The following HIBCH variants were observed in gnomAD, a reference collection of about 807,000 sequenced individuals.
HIBCH encodes the protein 3-hydroxyisobutyryl-CoA hydrolase, mitochondrial.
HIBCH carries 50 observed loss-of-function variants against 58.2 expected under a neutral mutation model. The ratio of observed to expected loss-of-function variants is 0.86; its 90% CI spans 0.68 to 1.09. The LOEUF is 1.09. Ranked by LOEUF, HIBCH falls within the 50% of genes least tolerant of loss-of-function variation. HIBCH has a pLI of 0.00. For synonymous variants in HIBCH, 151 were observed against 146.9 expected (o/e 1.03, Z -0.20); for missense variants, 450 against 449.7 (o/e 1.00, Z -0.01).
rs1422397677 is a variant in HIBCH at position 190,205,166 on chromosome 2, T to C, written c.1112A>G (p.Asp371Gly). ...CAAAGACTTAAAGTGATTATTCAAA[T>C]CTTCCTCAGTAACTTCTTTTAGATC... ...PADLKEVTEE[D>G]LNNHFKSLGS... Residue 371 changes from aspartate to glycine, a missense_variant, in exon 14 of 14, where the codon GAT becomes GGT. Transcript: ENST00000359678. 13 of 1,611,064 alleles carry C rather than the reference T, an allele frequency of 8.1e-6. No individual in the cohort carries two copies. Among genetic ancestry groups the C allele is most frequent in the Non-Finnish European group, 1.1e-5 (13 of 1,178,084 alleles).
At chr2:190,219,205 T>A (rs781208893) in intron 11 of HIBCH, among the ~76,000 whole-genome samples, 2 of 151,794 alleles carry the variant, frequency 1.3e-5, no homozygotes, top group African/African-American at 4.8e-5. Context: ...ATTAACTCAA[T>A]AGAAGTCCCT....
intron 4 of HIBCH, among the ~76,000 whole-genome samples, chr2:190,293,895 T>G (rs1044186883): frequency 1.3e-5 from 2 of 151,730 alleles, no homozygotes; most frequent in Non-Finnish European, 2.9e-5. Context: ...TCTTTAACAT[T>G]TAAATGTGTA....
intron 1 of HIBCH, among the ~76,000 whole-genome samples, chr2:190,317,089 T>A (rs1287573989): frequency 6.6e-6 from 1 of 152,138 alleles, no homozygotes; most frequent in Non-Finnish European, 1.5e-5. Flanking sequence ...AGTTTTTTTA[T>A]TTCTTATTTT....
rs1686139534 is a variant in HIBCH, at chr2:190,232,671, AAT to A, written c.891+12214_891+12215del. ...TTACTTTTATGACAAAAAACATAAT[AAT>A]AGAGGCCGGGCATGGTGGCTCACGC... is the stretch of plus-strand genomic sequence containing the variant. On this transcript the variant is annotated intron_variant, in intron 11 of 13. Transcript: ENST00000359678. Among the ~76,000 whole-genome samples the A allele has an allele frequency of 5.3e-5, 8 of 152,304 alleles. No homozygotes were observed. In the South Asian group the frequency reaches 1.7e-3, roughly 32 times the overall value.
downstream of HIBCH, among the ~76,000 whole-genome samples, chr2:190,199,178 G>A (rs887509520): frequency 7.9e-5 from 12 of 152,162 alleles, no homozygotes; most frequent in African/African-American, 2.9e-4. Flanking sequence ...TGATGTGCTT[G>A]TTTTGCTTGA....
chr2:190,210,186 C>T lies in HIBCH; in HGVS notation c.1012-1273G>A, dbSNP rs568383012. 6.6e-6 allele frequency among the ~76,000 whole-genome samples: 1 copy of T among 152,108 alleles called. No individual in the cohort carries two copies. Among genetic ancestry groups the T allele is most frequent in the African/African-American group, 2.4e-5 (1 of 41,422 alleles). The stretch of plus-strand genomic sequence containing the variant: ...TTCTTCACATCCCATTTTTCCTCTC[C>T]AACTTACTACACTCTAACTTCTGCC... On this transcript the variant is annotated intron_variant, in intron 12 of 13. Transcript: ENST00000359678. This position sits in a 1 kb window ranked among gnomAD's most constrained non-coding sequence, Gnocchi z 5.5.
chr2:190,219,800 G>C (rs916227296), intron 11 of HIBCH, among the ~76,000 whole-genome samples: 2 of 152,150 alleles, frequency 1.3e-5, no homozygotes, highest in African/African-American at 4.8e-5. Context: ...ACTCAATCTT[G>C]CAAGACTGTC....
chr2:190,199,123 G>A (rs548233681), downstream of HIBCH, among the ~76,000 whole-genome samples: 104 of 152,298 alleles, frequency 6.8e-4, no homozygotes, highest in African/African-American at 2.4e-3. Context: ...TCTAACAGTA[G>A]TCCAAGATCT....
intron 7 of HIBCH, among the ~76,000 whole-genome samples, chr2:190,259,113 C>T (rs1040071823): frequency 6.6e-6 from 1 of 152,024 alleles, no homozygotes; most frequent in African/African-American, 2.4e-5. Context: ...TTCTTTGGTT[C>T]CATATGAATT....
At chr2:190,294,259 T>C (rs1294479726) in intron 4 of HIBCH, among the ~76,000 whole-genome samples, 1 of 151,878 alleles carries the variant, frequency 6.6e-6, no homozygotes, top group Non-Finnish European at 1.5e-5. Context: ...TGGACCCATA[T>C]ACCCTAACTG....
downstream of HIBCH, chr2:190,200,064 TATCTTGTGTGATGCCTTGCAG>T (rs1294741745): frequency 6.2e-7 from 1 of 1,614,000 alleles, no homozygotes; most frequent in Non-Finnish European, 8.5e-7. Context: ...TGTCTCAGGA[TATCTTGTGTGATGCCTTGCAG>T]CAATGGGCAT....
At chr2:190,288,203 G>A (rs563913899) in intron 5 of HIBCH, among the ~76,000 whole-genome samples, 1 of 149,240 alleles carries the variant, frequency 6.7e-6, no homozygotes, top group South Asian at 2.2e-4. Flanking sequence ...GTCACATTAT[G>A]GTTGGGAACA....
chr2:190,310,630 T>C lies in HIBCH; in HGVS notation c.78+124A>G, dbSNP rs1575765966. The stretch of plus-strand genomic sequence containing the variant: ...GCGTGTGCCATGTCTTGACACTCAG[T>C]TGAGAACCATGATGTACCTAAGGTC... On this transcript the variant is annotated intron_variant, in intron 2 of 13. Coordinates refer to ENST00000359678, the MANE Select transcript of HIBCH (RefSeq NM_014362.4). The C allele has an allele frequency of 2.2e-5, 18 of 817,258 alleles. No homozygotes were observed. In the East Asian group the frequency reaches 3.9e-4, roughly 18 times the overall value. The allele number at this position is 817,258 out of a possible 1,614,324, so 50.6% of individuals were successfully genotyped here.
intron 11 of HIBCH, among the ~76,000 whole-genome samples, chr2:190,224,955 G>C (rs1025885175): frequency 6.6e-6 from 1 of 152,194 alleles, no homozygotes; most frequent in Non-Finnish European, 1.5e-5. Context: ...TAGAACTCAG[G>C]ATTAAGAAAC....
At position 190,215,084 on chromosome 2, in the gene HIBCH, TC is replaced by T. The variant is rs1690599170; in HGVS notation, c.892-2010del. On this transcript the variant is annotated intron_variant, in intron 11 of 13. Transcript: ENST00000359678. The surrounding 1 kb of genome is among the most constrained non-coding windows in gnomAD (Gnocchi z 4.4). ...AGGAAATGAGGCCATTCTTGGAAGA[TC>T]CCCTCGGTTTAGCAGAGCAAACCTC... 6.6e-6 allele frequency: 1 copy of T among 152,190 alleles called. No individual in the cohort carries two copies. The highest frequency in any genetic ancestry group is 2.4e-5 in the African/African-American group (1 of 41,448). The allele number at this position is 152,190 out of a possible 1,614,324, so 9.4% of individuals were successfully genotyped here.
intron 11 of HIBCH, among the ~76,000 whole-genome samples, chr2:190,238,429 A>G (rs150100933): frequency 2.0e-5 from 3 of 152,246 alleles, no homozygotes; most frequent in East Asian, 3.9e-4. Context: ...ATCAATGACA[A>G]TAAACTTTTT....
At position 190,205,520 on chromosome 2, in the gene HIBCH, T is replaced by C. The variant is rs1040994086; in HGVS notation, c.1046-288A>G. 9.2e-5 allele frequency among the ~76,000 whole-genome samples: 14 copies of C among 152,278 alleles called. 1 individual carries two copies. The highest frequency in any genetic ancestry group is 5.9e-4 in the Admixed American group (9 of 15,286). On this transcript the variant is annotated intron_variant, in intron 13 of 13. Coordinates refer to ENST00000359678, the MANE Select transcript of HIBCH (RefSeq NM_014362.4). ...CAGTGGTTTAAACATTAGAATTCTT[T>C]TTTTCTTCTTGAAATAAAATTGCCA...
At chr2:190,235,623 C>T (rs149459228) in intron 11 of HIBCH, among the ~76,000 whole-genome samples, 50 of 152,262 alleles carry the variant, frequency 3.3e-4, no homozygotes, top group African/African-American at 1.1e-3. Context: ...AATCTGCCCC[C>T]AGTCATCTTT....
chr2:190,255,635 ACAACAGCTC>A (rs1461749866), intron 7 of HIBCH, among the ~76,000 whole-genome samples: 6 of 152,220 alleles, frequency 3.9e-5, no homozygotes, highest in Admixed American at 6.5e-5. Context: ...GGTAAATTCT[ACAACAGCTC>A]CAACTTCATG....
Sources: allele counts gnomAD v4.1 joint callset (sites outside exome capture counted in the v4.1 genomes callset), GRCh38; gene constraint gnomAD v4.1.1; non-coding constraint Gnocchi (gnomAD v3.1); transcripts MANE v1.5; gene names NCBI Gene and HGNC (gene_info 2026-07-23, HGNC 2026-07-21).